KIF6: variants seen among roughly 807,000 people sequenced by gnomAD.
KIF6 encodes the protein kinesin family member 6.
In KIF6, 106 loss-of-function variants were observed where a neutral mutation model predicts 112.7. That is an observed-to-expected ratio of 0.94 (90% CI 0.80 to 1.11). KIF6 has a LOEUF of 1.11. KIF6 is among the 50% of genes least tolerant of loss of function. The pLI, the probability that KIF6 is intolerant of heterozygous loss-of-function variation, is 0.00. For missense variants in KIF6, 929 were observed against 964.0 expected (o/e 0.96, Z 0.48); for synonymous variants, 339 against 339.9 (o/e 1.00, Z 0.03).
intron 13 of KIF6, among the ~76,000 whole-genome samples, chr6:39,510,059 A>T (rs1776675110): frequency 6.6e-6 from 1 of 151,670 alleles, no homozygotes; most frequent in East Asian, 1.9e-4. Context: ...AAGCCAGAAG[A>T]GAGTGGGGGC....
intron 5 of KIF6, among the ~76,000 whole-genome samples, chr6:39,629,042 T>C (rs758579108): frequency 2.0e-5 from 3 of 152,142 alleles, no homozygotes; most frequent in Non-Finnish European, 4.4e-5. Context: ...TATTCCCTTG[T>C]ATGGATGTAC....
At chr6:39,437,714 A>G (rs1269820526) in intron 13 of KIF6, among the ~76,000 whole-genome samples, 1 of 152,188 alleles carries the variant, frequency 6.6e-6, no homozygotes, top group Non-Finnish European at 1.5e-5. Context: ...TAAAAATGCA[A>G]CTACAGTCCT....
chr6:39,344,374 C>T (rs945468829), intron 21 of KIF6, among the ~76,000 whole-genome samples: 1 of 152,106 alleles, frequency 6.6e-6, no homozygotes, highest in Non-Finnish European at 1.5e-5. Flanking sequence ...AGTGTGAAAA[C>T]AGACTAATAC....
chr6:39,418,252 A>AG (rs1770077893), intron 15 of KIF6, among the ~76,000 whole-genome samples: 1 of 152,220 alleles, frequency 6.6e-6, no homozygotes, highest in African/African-American at 2.4e-5. Context: ...ATCCAGGTCA[A>AG]GAAAGGGGTT....
At chr6:39,443,062 C>T (rs931610188) in intron 13 of KIF6, among the ~76,000 whole-genome samples, 2 of 149,518 alleles carry the variant, frequency 1.3e-5, no homozygotes, top group East Asian at 2.0e-4. Context: ...TGCAGTGAGC[C>T]GAGATCACGC....
intron 3 of KIF6, among the ~76,000 whole-genome samples, chr6:39,667,386 G>A (rs1786541489): frequency 6.6e-6 from 1 of 152,144 alleles, no homozygotes; most frequent in Admixed American, 6.5e-5. Flanking sequence ...AGCTCTCAGA[G>A]ACCAGTTTGC....
At chr6:39,668,309 A>G (rs1786602626) in intron 3 of KIF6, among the ~76,000 whole-genome samples, 1 of 152,252 alleles carries the variant, frequency 6.6e-6, no homozygotes, top group Non-Finnish European at 1.5e-5. Flanking sequence ...GTTCAACTGT[A>G]CCTTAAATAA....
At chr6:39,705,056 C>T (rs1308304074) in intron 3 of KIF6, among the ~76,000 whole-genome samples, 1 of 152,148 alleles carries the variant, frequency 6.6e-6, no homozygotes, top group African/African-American at 2.4e-5. Context: ...ATTGTAAAGT[C>T]GTTTAGAGCA....
chr6:39,557,694 A>T (rs1582130474), intron 10 of KIF6, among the ~76,000 whole-genome samples: 1 of 152,102 alleles, frequency 6.6e-6, no homozygotes, highest in East Asian at 1.9e-4. Context: ...GGGGTCCACA[A>T]ATCCTCAGAA....
At chr6:39,340,683 C>T (rs934798638) in intron 22 of KIF6, among the ~76,000 whole-genome samples, 1 of 152,126 alleles carries the variant, frequency 6.6e-6, no homozygotes, top group Non-Finnish European at 1.5e-5. Flanking sequence ...ATAAAAGTGC[C>T]TGCCCTTCAA....
chr6:39,549,738 G>A (rs967529012), intron 10 of KIF6, among the ~76,000 whole-genome samples: 42 of 152,168 alleles, frequency 2.8e-4, no homozygotes, highest in Non-Finnish European at 5.6e-4. Context: ...AGTTGGGAAG[G>A]AATCAGAATG....
At chr6:39,480,872 C>A (rs974821259) in intron 13 of KIF6, among the ~76,000 whole-genome samples, 15 of 152,090 alleles carry the variant, frequency 9.9e-5, no homozygotes, top group Non-Finnish European at 1.5e-4. Flanking sequence ...CTCAAATGAT[C>A]TTTTGTATTT....
intron 13 of KIF6, among the ~76,000 whole-genome samples, chr6:39,443,903 T>C (rs554287052): frequency 6.6e-6 from 1 of 152,342 alleles, no homozygotes; most frequent in East Asian, 1.9e-4. Context: ...CTTATGTTCA[T>C]GTTTTGGGGA....
intron 5 of KIF6, among the ~76,000 whole-genome samples, chr6:39,622,667 A>C (rs937506178): frequency 6.6e-6 from 1 of 152,220 alleles, no homozygotes; most frequent in Non-Finnish European, 1.5e-5. Flanking sequence ...ACTTTCCCAG[A>C]TTCTCTTGCA....
chr6:39,692,633 A>G (rs1788283794), intron 3 of KIF6, among the ~76,000 whole-genome samples: 1 of 152,206 alleles, frequency 6.6e-6, no homozygotes, highest in Admixed American at 6.5e-5. Flanking sequence ...CTGTGATAGA[A>G]TGATGGTTAT....
intron 15 of KIF6, among the ~76,000 whole-genome samples, chr6:39,389,805 T>G (rs1581744399): frequency 1.3e-5 from 2 of 152,100 alleles, no homozygotes; most frequent in Middle Eastern, 3.4e-3. Context: ...CCAAGGTGGG[T>G]GGATCACCTG....
chr6:39,597,702 C>A (rs1274851868), intron 6 of KIF6, among the ~76,000 whole-genome samples: 1 of 152,096 alleles, frequency 6.6e-6, no homozygotes, highest in East Asian at 1.9e-4. Context: ...TTGTAATCAA[C>A]CCAAGGAGGT....
chr6:39,630,742 C>G (rs1784311803), intron 5 of KIF6, among the ~76,000 whole-genome samples: 1 of 151,976 alleles, frequency 6.6e-6, no homozygotes, highest in Non-Finnish European at 1.5e-5. Context: ...GACATACTTT[C>G]CTTGTTCCTG....
chr6:39,655,420 T>C (rs944067819), intron 3 of KIF6, among the ~76,000 whole-genome samples: 1 of 152,144 alleles, frequency 6.6e-6, no homozygotes, highest in Non-Finnish European at 1.5e-5. Flanking sequence ...CTTTTAATAC[T>C]GCTTATAGTG....
Sources: gnomAD v4.1 joint callset for allele counts (sites outside exome capture counted in the v4.1 genomes callset) on GRCh38, gnomAD v4.1.1 for gene constraint, MANE v1.5 for transcripts, NCBI Gene and HGNC (gene_info 2026-07-23, HGNC 2026-07-21) for gene names.